The following PGM5 variants were observed in gnomAD, a reference collection of about 807,000 sequenced individuals.
PGM5 encodes the protein phosphoglucomutase-like protein 5.
PGM5 carries 23 observed loss-of-function variants against 59.2 expected under a neutral mutation model. The observed-to-expected ratio is 0.39, with a 90% CI of 0.28 to 0.55. The LOEUF (loss-of-function observed/expected upper bound fraction) is 0.55. Ranked by LOEUF, PGM5 falls within the 20% of genes least tolerant of loss-of-function variation. The probability of loss-of-function intolerance (pLI) is 0.66; values close to 1 mark genes in which losing one functional copy is unlikely to be tolerated. For missense variants in PGM5, 574 were observed against 748.3 expected (o/e 0.77, Z 2.72); for synonymous variants, 214 against 286.0 (o/e 0.75, Z 2.54).
intron 9 of PGM5, among the ~76,000 whole-genome samples, chr9:68,489,525 G>A (rs569341497): frequency 1.3e-5 from 2 of 150,210 alleles, no homozygotes; most frequent in South Asian, 4.2e-4. Context: ...GAGTGCAGTG[G>A]TGTGATCTTG....
chr9:68,494,759 G>A (rs1181723134), intron 9 of PGM5, among the ~76,000 whole-genome samples: 4 of 152,214 alleles, frequency 2.6e-5, no homozygotes, highest in Admixed American at 2.6e-4. Context: ...AGAAATGGTG[G>A]AGGAATAAAC....
chr9:68,504,420 C>T (rs1554688867), intron 10 of PGM5, among the ~76,000 whole-genome samples: 3 of 152,220 alleles, frequency 2.0e-5, no homozygotes, highest in Non-Finnish European at 2.9e-5. Context: ...GAATGACATA[C>T]TGGAAATGGC....
rs750406362 is a variant in PGM5 at position 68,530,989 on chromosome 9, G to A, written c.*1333G>A. 3.3e-5 allele frequency: 5 copies of A among 151,610 alleles called. No individual in the cohort carries two copies. The highest frequency in any genetic ancestry group is 5.9e-5 in the Non-Finnish European group (4 of 67,870). The allele number at this position is 151,610 out of a possible 1,614,324, so 9.4% of individuals were successfully genotyped here. ...AGTAAGGTATTTGTTTCCATTTTCT[G>A]TCTGTGCTTCTGTCAGAAACTTGCT... On this transcript the variant is annotated 3_prime_UTR_variant, in exon 11 of 11. Transcript: ENST00000396396.
intron 9 of PGM5, among the ~76,000 whole-genome samples, chr9:68,486,224 G>GT (rs1213537193): frequency 8.6e-4 from 131 of 151,772 alleles, no homozygotes; most frequent in African/African-American, 2.9e-3. Flanking sequence ...TGCATAATTT[G>GT]TTTTTTTTCA....
rs552725945 is a variant in PGM5, at chr9:68,383,388, A to G, written c.425-1010A>G. ...ATACCATGTCATCAATATAAAAATT[A>G]TTAATGCAATCGATTGCATTTTCTA... On this transcript the variant is annotated intron_variant, in intron 2 of 10. Coordinates refer to ENST00000396396, the MANE Select transcript of PGM5 (RefSeq NM_021965.4). 3.0e-3 allele frequency among the ~76,000 whole-genome samples: 453 copies of G among 152,228 alleles called. 1 individual carries two copies. Among genetic ancestry groups the G allele is most frequent in the African/African-American group, 0.01 (430 of 41,576 alleles).
At chr9:68,449,842 A>G (rs1329768838) in intron 6 of PGM5, among the ~76,000 whole-genome samples, 1 of 152,254 alleles carries the variant, frequency 6.6e-6, no homozygotes, top group East Asian at 1.9e-4. Context: ...GTGTCGCAGA[A>G]TTAATAGTGT....
At chr9:68,499,072 T>C in intron 9 of PGM5, 155 bp from the exon 10 acceptor site, 3 of 756,274 alleles carry the variant, frequency 4.0e-6, no homozygotes. Flanking sequence ...GTTCATCACA[T>C]TCATTACATG....
intron 6 of PGM5, among the ~76,000 whole-genome samples, chr9:68,417,448 G>A (rs1235778980): frequency 6.6e-6 from 1 of 152,072 alleles, no homozygotes; most frequent in Non-Finnish European, 1.5e-5. Context: ...TGCTTGTGTT[G>A]TATCTTCATT....
At chr9:68,358,198 T>G (rs1834506758) in intron 1 of PGM5, among the ~76,000 whole-genome samples, 1 of 152,218 alleles carries the variant, frequency 6.6e-6, no homozygotes, top group Admixed American at 6.5e-5. Flanking sequence ...CCAAATGCCT[T>G]TTGGCATTTG....
At chr9:68,499,188 A>C (rs782519712) in intron 9 of PGM5, 39 bp from the exon 10 acceptor site, 1 of 1,611,214 alleles carries the variant, frequency 6.2e-7, no homozygotes, top group Non-Finnish European at 8.5e-7. Flanking sequence ...TTGTGTATTC[A>C]TTTGCTCACT....
chr9:68,441,135 A>G (rs782820040), intron 6 of PGM5, among the ~76,000 whole-genome samples: 12 of 152,072 alleles, frequency 7.9e-5, no homozygotes, highest in Non-Finnish European at 1.5e-4. Context: ...TTCCATGACT[A>G]TTAAAGAAAT....
At position 68,514,372 on chromosome 9, in the gene PGM5, C is replaced by T. The variant is rs549222015; in HGVS notation, c.1614+15011C>T. 8.8e-4 allele frequency among the ~76,000 whole-genome samples: 134 copies of T among 152,166 alleles called. 4 individuals are homozygous for T. In the South Asian group the frequency reaches 0.027, roughly 30 times the overall value. On this transcript the variant is annotated intron_variant, in intron 10 of 10. Coordinates refer to ENST00000396396, the MANE Select transcript of PGM5 (RefSeq NM_021965.4). ...ATCCCAGCACTTTGGGAGGCTGAGA[C>T]GGGTGAATCACCTGAGGTCAGGAGT...
At chr9:68,382,972 A>T (rs1266277976) in intron 2 of PGM5, among the ~76,000 whole-genome samples, 1 of 152,050 alleles carries the variant, frequency 6.6e-6, no homozygotes, top group Non-Finnish European at 1.5e-5. Flanking sequence ...TGCATTCTAT[A>T]ATCTGGCAAG....
At chr9:68,501,772 C>T (rs1447242313) in intron 10 of PGM5, among the ~76,000 whole-genome samples, 1 of 152,198 alleles carries the variant, frequency 6.6e-6, no homozygotes, top group Non-Finnish European at 1.5e-5. Flanking sequence ...TGCAAGAGAA[C>T]AGAGAGTTCC....
At chr9:68,506,387 C>T (rs576648583) in intron 10 of PGM5, among the ~76,000 whole-genome samples, 3 of 152,314 alleles carry the variant, frequency 2.0e-5, no homozygotes, top group African/African-American at 4.8e-5. Context: ...TGTTATCTGA[C>T]GTCGTGGCAG....
At chr9:68,410,647 G>A (rs1376892384) in intron 6 of PGM5, among the ~76,000 whole-genome samples, 2 of 152,058 alleles carry the variant, frequency 1.3e-5, no homozygotes, top group African/African-American at 2.4e-5. Context: ...AACCCAATAA[G>A]AAAAGTATTT....
chr9:68,488,297 C>T (rs1264697913), intron 9 of PGM5, among the ~76,000 whole-genome samples: 2 of 152,146 alleles, frequency 1.3e-5, no homozygotes, highest in Non-Finnish European at 2.9e-5. Context: ...TTTTTTAAGG[C>T]AGCTTGGTCT....
At chr9:68,528,531 G>A (rs967455951) in intron 10 of PGM5, among the ~76,000 whole-genome samples, 15 of 152,234 alleles carry the variant, frequency 9.9e-5, no homozygotes, top group East Asian at 7.7e-4. Flanking sequence ...GCCACCACGC[G>A]TGGCCAATAT....
intron 7 of PGM5, 109 bp from the exon 8 acceptor site, chr9:68,479,309 C>A: frequency 1.1e-6 from 1 of 932,882 alleles, no homozygotes; most frequent in Non-Finnish European, 1.6e-6. Context: ...GGTAAATGAT[C>A]CAATCATTTC....
Sources: gnomAD v4.1 joint callset for allele counts (sites outside exome capture counted in the v4.1 genomes callset) on GRCh38, gnomAD v4.1.1 for gene constraint, MANE v1.5 for transcripts, NCBI Gene and HGNC (gene_info 2026-07-23, HGNC 2026-07-21) for gene names.